The following CPNE5 variants were observed in gnomAD, a reference collection of about 807,000 sequenced individuals.
CPNE5 encodes the protein copine-5.
CPNE5 carries 42 observed loss-of-function variants against 81.1 expected under a neutral mutation model. The ratio of observed to expected loss-of-function variants is 0.52; its 90% CI spans 0.40 to 0.67. The LOEUF (loss-of-function observed/expected upper bound fraction) is 0.67, where lower values mean the gene tolerates loss of function less well. Among genes scored for constraint, CPNE5 ranks in the 30% least tolerant of loss-of-function variants. The pLI is 0.00. For synonymous variants in CPNE5, 313 were observed against 321.5 expected (o/e 0.97, Z 0.28); for missense variants, 612 against 815.5 (o/e 0.75, Z 3.04).
intron 14 of CPNE5, among the ~76,000 whole-genome samples, chr6:36,749,482 G>A (rs34661076): frequency 0.26 from 38,776 of 151,940 alleles, 5,065 homozygotes; most frequent in African/African-American, 0.33. Flanking sequence ...TTATGGTATT[G>A]TGGTTATGTT....
chr6:36,781,866 C>T (rs758186387), intron 8 of CPNE5, among the ~76,000 whole-genome samples: 4 of 152,166 alleles, frequency 2.6e-5, no homozygotes, highest in African/African-American at 7.2e-5. Flanking sequence ...AGAGGTGACC[C>T]GCAGTGGCAT....
chr6:36,827,021 T>C (rs1772557781), intron 1 of CPNE5, among the ~76,000 whole-genome samples: 1 of 152,166 alleles, frequency 6.6e-6, no homozygotes, highest in South Asian at 2.1e-4. Flanking sequence ...GCCGTCACTC[T>C]CCCGGTGGAT....
At chr6:36,790,603 T>C (rs1768997102) in intron 8 of CPNE5, among the ~76,000 whole-genome samples, 1 of 152,260 alleles carries the variant, frequency 6.6e-6, no homozygotes, top group African/African-American at 2.4e-5. Context: ...TTATTTTATT[T>C]ATTTATTTTT....
intron 8 of CPNE5, among the ~76,000 whole-genome samples, chr6:36,789,394 A>G (rs1008596123): frequency 5.9e-5 from 9 of 152,196 alleles, no homozygotes; most frequent in African/African-American, 2.2e-4. Context: ...GGCCACCAGC[A>G]TTGTCTAGAG....
chr6:36,819,424 T>C (rs1280473416), intron 3 of CPNE5, among the ~76,000 whole-genome samples: 1 of 152,196 alleles, frequency 6.6e-6, no homozygotes, highest in Non-Finnish European at 1.5e-5. Flanking sequence ...TTCTTTCTTT[T>C]TTTTATTTGT....
At chr6:36,756,939 G>A (rs1027238865) in intron 12 of CPNE5, among the ~76,000 whole-genome samples, 1 of 152,208 alleles carries the variant, frequency 6.6e-6, no homozygotes, top group East Asian at 1.9e-4. Flanking sequence ...AACCAGGGGC[G>A]ATTTTACCCC....
intron 8 of CPNE5, among the ~76,000 whole-genome samples, chr6:36,786,634 TG>T (rs1309410421): frequency 2.0e-5 from 3 of 152,230 alleles, no homozygotes; most frequent in Non-Finnish European, 4.4e-5. Flanking sequence ...TTATTTATAT[TG>T]TTTCCTAAAA....
At chr6:36,759,514 G>A (rs1361713749) in intron 12 of CPNE5, among the ~76,000 whole-genome samples, 2 of 151,972 alleles carry the variant, frequency 1.3e-5, no homozygotes, top group African/African-American at 4.8e-5. Flanking sequence ...TGGCTCTGGG[G>A]ATGCAGCAGT....
chr6:36,830,807 G>A (rs1446691552), intron 1 of CPNE5, among the ~76,000 whole-genome samples: 3 of 152,072 alleles, frequency 2.0e-5, no homozygotes, highest in Admixed American at 6.6e-5. Context: ...AAACAGAAAC[G>A]TAGGAAGCAC....
intron 1 of CPNE5, among the ~76,000 whole-genome samples, chr6:36,835,451 A>G (rs1773408441): frequency 1.3e-5 from 2 of 152,138 alleles, no homozygotes; most frequent in South Asian, 2.1e-4. Flanking sequence ...GTCTACTGGT[A>G]TCTAGTTCCA....
In CPNE5 at chr6:36,742,156, G is replaced by T; in HGVS notation, c.*112C>A. The T allele has an allele frequency of 1.3e-6, 1 of 773,700 alleles. No individual in the cohort carries two copies. Among genetic ancestry groups the T allele is most frequent in the South Asian group, 1.9e-5 (1 of 53,426 alleles). The allele number at this position is 773,700 out of a possible 1,614,324, so 47.9% of individuals were successfully genotyped here. A position where few individuals can be genotyped will look rare whatever the true frequency, so the allele number is the denominator to read the frequency against. ...GCCCCACCCCCTGGCAGCCTCCCAGGCACACAGATGTCCCAAAGGCCGGGC... is the reference window on the plus strand; with the variant it reads ...GCCCCACCCCCTGGCAGCCTCCCAGTCACACAGATGTCCCAAAGGCCGGGC... On this transcript the variant is annotated 3_prime_UTR_variant, in exon 21 of 21. Coordinates refer to ENST00000244751, the MANE Select transcript of CPNE5 (RefSeq NM_020939.2).
intron 3 of CPNE5, among the ~76,000 whole-genome samples, chr6:36,811,840 A>C (rs993846501): frequency 1.3e-5 from 2 of 151,402 alleles, no homozygotes; most frequent in African/African-American, 4.9e-5. Context: ...GCAGTGGCTC[A>C]TGACTGTAAT....
intron 8 of CPNE5, among the ~76,000 whole-genome samples, chr6:36,789,745 A>C (rs1156941716): frequency 6.6e-6 from 1 of 152,120 alleles, no homozygotes; most frequent in African/African-American, 2.4e-5. Context: ...CTGGTGCTGA[A>C]CACTCGGTCT....
chr6:36,776,637 C>T (rs1210516522), intron 9 of CPNE5, among the ~76,000 whole-genome samples: 4 of 152,282 alleles, frequency 2.6e-5, no homozygotes, highest in East Asian at 1.9e-4. Flanking sequence ...ACCCCCCAAC[C>T]GTCACACAGA....
At chr6:36,743,314 A>G in intron 20 of CPNE5, 1 of 842,536 alleles carries the variant, frequency 1.2e-6, no homozygotes, top group Non-Finnish European at 1.4e-6. Flanking sequence ...TTAACCGAGC[A>G]ATGCCTATTC....
chr6:36,762,574 C>T (rs1766153405), intron 12 of CPNE5, among the ~76,000 whole-genome samples: 2 of 152,204 alleles, frequency 1.3e-5, no homozygotes, highest in Non-Finnish European at 2.9e-5. Flanking sequence ...GAACTCAGGA[C>T]CTCAGGTCTC....
Position 36,745,081 on chromosome 6 carries a change from C to G in CPNE5, c.1398G>C (p.Ser466=), listed in dbSNP as rs560713230. 1 of 1,614,120 alleles carries G rather than the reference C, an allele frequency of 6.2e-7. No homozygotes were observed. The highest frequency in any genetic ancestry group is 2.2e-5 in the East Asian group (1 of 44,888). ...TGGCCTCCTTGGTCTGCGCCATGTC[C>G]GAGATGACCCCATCAGTAATGATGA... ...VLLIITDGVI[S]DMAQTKEAIV... is the part of the protein sequence containing the mutation. The change falls in exon 18 of 21, where the codon TCG becomes TCC. Residue 466 remains serine, a synonymous_variant. Coordinates refer to ENST00000244751, the MANE Select transcript of CPNE5 (RefSeq NM_020939.2).
intron 17 of CPNE5, 49 bp from the exon 18 acceptor site, chr6:36,745,199 A>T (rs1186051935): frequency 1.3e-6 from 2 of 1,520,286 alleles, no homozygotes; most frequent in African/African-American, 2.7e-5. Flanking sequence ...ACCTCTGGGC[A>T]TGTTCCCCCC....
chr6:36,792,062 G>A lies in CPNE5; in HGVS notation c.499C>T (p.Leu167=). 6.2e-7 allele frequency: 1 copy of A among 1,614,108 alleles called. No homozygotes were observed. Among genetic ancestry groups the A allele is most frequent in the Non-Finnish European group, 8.5e-7 (1 of 1,179,980 alleles). The change falls in exon 8 of 21, where the codon CTG becomes TTG. Residue 167 remains leucine, a synonymous_variant. Transcript: ENST00000244751. The part of the protein sequence containing the change: ...VPGKKCGTII[L]SAEELSNCRD... ...CAGTTGCTGAGCTCCTCAGCGGACAGGATGATGGTGCCACATTTCTTTCCT... is the reference window on the plus strand; with the variant it reads ...CAGTTGCTGAGCTCCTCAGCGGACAAGATGATGGTGCCACATTTCTTTCCT...
Sources: gnomAD v4.1 joint callset for allele counts (sites outside exome capture counted in the v4.1 genomes callset) on GRCh38, gnomAD v4.1.1 for gene constraint, MANE v1.5 for transcripts, NCBI Gene and HGNC (gene_info 2026-07-23, HGNC 2026-07-21) for gene names.